Variants in TIMP4 observed in about 807,000 individuals in gnomAD.
TIMP4 encodes the protein metalloproteinase inhibitor 4.
Under a neutral mutation model 27.3 loss-of-function variants are expected in TIMP4, and 28 were observed. That is an observed-to-expected ratio of 1.03 (90% CI 0.76 to 1.41). The LOEUF (loss-of-function observed/expected upper bound fraction) is 1.41, where lower values mean the gene tolerates loss of function less well. TIMP4 is among the 40% of genes most tolerant of loss of function. The pLI is 0.00. For missense variants in TIMP4, 307 were observed against 285.5 expected (o/e 1.08, Z -0.54); for synonymous variants, 138 against 115.5 (o/e 1.20, Z -1.25).
At chr3:12,157,014 C>A in intron 2 of TIMP4, 80 bp from the exon 3 acceptor site, 1 of 1,024,160 alleles carries the variant, frequency 9.8e-7, no homozygotes, top group Non-Finnish European at 1.5e-6. Flanking sequence ...CCTCTCACTT[C>A]TCAGCCTAAA....
intron 1 of TIMP4, 35 bp from the exon 2 acceptor site, chr3:12,157,517 G>A (rs371769294): frequency 6.3e-7 from 1 of 1,595,248 alleles, no homozygotes; most frequent in Non-Finnish European, 8.6e-7. Context: ...ACCTTCAGCA[G>A]CTGGTGGGGG....
At position 12,154,348 on chromosome 3, in the gene TIMP4, G is replaced by A. The variant is rs151021424; in HGVS notation, c.456C>T (p.Tyr152=). ...LVQRESLNHH[Y]HLNCGCQITT... ...TTACTTGGCAGCCACAGTTCAGATGGTAGTGATGATTCAGACTTTCCCTCT... is the reference window on the plus strand; with the variant it reads ...TTACTTGGCAGCCACAGTTCAGATGATAGTGATGATTCAGACTTTCCCTCT... The change falls in exon 4 of 5, where the codon TAC becomes TAT. Residue 152 remains tyrosine (Y), a synonymous_variant. Transcript: ENST00000287814. The A allele has an allele frequency of 6.7e-4, 1,079 of 1,614,202 alleles. 1 individual carries two copies. The highest frequency in any genetic ancestry group is 8.3e-4 in the Non-Finnish European group (978 of 1,180,042).
intron 1 of TIMP4, 152 bp downstream of exon 1, chr3:12,158,550 C>T (rs2125232543): frequency 8.6e-7 from 1 of 1,160,066 alleles, no homozygotes; most frequent in Non-Finnish European, 1.2e-6. Flanking sequence ...TGCTATGGCG[C>T]CTGGTCCTTC....
At chr3:12,157,273 A>C (rs2125231072) in intron 2 of TIMP4, 112 bp downstream of exon 2, 3 of 941,906 alleles carry the variant, frequency 3.2e-6, no homozygotes, top group Non-Finnish European at 5.0e-6. Context: ...CAGTATCTAG[A>C]CCCAAGGATT....
In TIMP4 at chr3:12,158,811, G is replaced by T; in HGVS notation, c.30C>A (p.Ser10Arg). The T allele has an allele frequency of 1.3e-6, 2 of 1,598,956 alleles. No individual in the cohort carries two copies. The part of the protein sequence containing the change: MPGSPRPAP[S>R]WVLLLRLLAL... ...CCAGCAGCCGCAGCAACAGCACCCAGCTTGGCGCGGGCCGAGGGCTCCCAG... is the reference window on the plus strand; with the variant it reads ...CCAGCAGCCGCAGCAACAGCACCCATCTTGGCGCGGGCCGAGGGCTCCCAG... Residue 10 changes from serine to arginine, a missense_variant, in exon 1 of 5, where the codon AGC (serine) becomes AGA (arginine). Coordinates refer to ENST00000287814, the MANE Select transcript of TIMP4 (RefSeq NM_003256.4).
chr3:12,154,890 T>C lies in TIMP4; in HGVS notation c.353-439A>G, dbSNP rs147622693. Among the ~76,000 whole-genome samples, 710 of 152,288 alleles carry C rather than the reference T, an allele frequency of 4.7e-3. 5 individuals carry two copies. The highest frequency in any genetic ancestry group is 0.016 in the African/African-American group (648 of 41,562). Reference sequence around the variant, plus strand: ...CACAGTTGTGGTCCCACAGAAGATATTCAATAAATAATAGGTCCCTTCCCC... The same window carrying C: ...CACAGTTGTGGTCCCACAGAAGATACTCAATAAATAATAGGTCCCTTCCCC... On this transcript the variant is annotated intron_variant, in intron 3 of 4. Coordinates refer to ENST00000287814, the MANE Select transcript of TIMP4 (RefSeq NM_003256.4).
At chr3:12,153,776 T>C in intron 4 of TIMP4, 64 bp from the exon 5 acceptor site, 1 of 1,569,122 alleles carries the variant, frequency 6.4e-7, no homozygotes, top group Non-Finnish European at 8.8e-7. Context: ...TTGCTGCCTT[T>C]CAGATTCCTA....
intron 3 of TIMP4, among the ~76,000 whole-genome samples, chr3:12,155,699 A>AT (rs1157841035): frequency 5.9e-5 from 9 of 152,154 alleles, no homozygotes; most frequent in Admixed American, 2.6e-4. Flanking sequence ...TTCTTAGACT[A>AT]TTTTTTGTCA....
chr3:12,157,666 A>C (rs1697498890), intron 1 of TIMP4, among the ~76,000 whole-genome samples, 184 bp from the exon 2 acceptor site: 1 of 152,146 alleles, frequency 6.6e-6, no homozygotes, highest in East Asian at 1.9e-4. Flanking sequence ...AGTCACTGGA[A>C]GTTCCAAACC....
At chr3:12,154,263 C>G in intron 4 of TIMP4, 64 bp downstream of exon 4, 1 of 1,606,100 alleles carries the variant, frequency 6.2e-7, no homozygotes, top group Non-Finnish European at 8.5e-7. Context: ...TAAATTCATG[C>G]ATGAATGAAG....
chr3:12,158,495 A>G (rs1559445736), intron 1 of TIMP4, among the ~76,000 whole-genome samples: 3 of 152,168 alleles, frequency 2.0e-5, no homozygotes, highest in Non-Finnish European at 4.4e-5. Context: ...CCCTGATGAA[A>G]TCTTCATTTC....
chr3:12,153,678 G>T lies in TIMP4; in HGVS notation c.512C>A (p.Ser171Ter). Reference sequence around the variant, plus strand: ...TGTCCAGAGGCACTCGTTAGGGGCCGAGATGGTACAGGGTACTGTGTAGCA... The same window carrying T: ...TGTCCAGAGGCACTCGTTAGGGGCCTAGATGGTACAGGGTACTGTGTAGCA... ...TTCYTVPCTI[S>*]APNECLWTDW... The change falls in exon 5 of 5, where the codon TCG (serine) becomes TAG (stop). Residue 171 changes from serine (S) to a stop codon, truncating the protein, a stop_gained. Transcript: ENST00000287814. LOFTEE classifies it high-confidence loss of function. 1.9e-6 allele frequency: 3 copies of T among 1,614,200 alleles called. No homozygotes were observed. The highest frequency in any genetic ancestry group is 2.5e-6 in the Non-Finnish European group (3 of 1,180,032).
rs764253609 is a variant in TIMP4 at position 12,156,820 on chromosome 3, C to T, written c.352G>A (p.Gly118Ser). 1.4e-5 allele frequency: 22 copies of T among 1,611,746 alleles called. No homozygotes were observed. The highest frequency in any genetic ancestry group is 9.3e-6 in the Non-Finnish European group (11 of 1,178,012). Residue 118 changes from glycine to serine, a missense_variant and splice_region_variant, in exon 3 of 5, where the codon GGT becomes AGT. Physicochemically the swap from Gly to Ser is moderately conservative, Grantham distance 56. Transcript: ENST00000287814. ...ANSQKQYLLT[G>S]QVLSDGKVFI... ...GCCAGTTGTTGGTCTTTTAACTTACCAGTCAAGAGATACTGCTTCTGGCTG... is the reference window on the plus strand; with the variant it reads ...GCCAGTTGTTGGTCTTTTAACTTACTAGTCAAGAGATACTGCTTCTGGCTG...
rs969792717 is a variant in TIMP4, at chr3:12,153,718, G to A, written c.478-6C>T. ...ACTGTGTAGCAGGTGGTGATCTAGA[G>A]TCATGGCCACACAACATTAAAGTGA... On this transcript the variant is annotated splice_polypyrimidine_tract_variant and splice_region_variant and intron_variant, in intron 4 of 4. Coordinates refer to ENST00000287814, the MANE Select transcript of TIMP4 (RefSeq NM_003256.4). 10 of 1,614,168 alleles carry A rather than the reference G, an allele frequency of 6.2e-6. 1 individual carries two copies. In the Admixed American group the frequency reaches 1.3e-4, roughly 22 times the overall value.
At position 12,156,845 on chromosome 3, in the gene TIMP4, G is replaced by A; in HGVS notation, c.327C>T (p.Asn109=). ...CAGTCAAGAGATACTGCTTCTGGCT[G>A]TTGGCTTCTAGTTTCACACCACAGA... ...SSLCGVKLEA[N]SQKQYLLTGQ... Residue 109 remains asparagine (N), a synonymous_variant, in exon 3 of 5, where the codon AAC becomes AAT. Transcript: ENST00000287814. 1 of 1,614,158 alleles carries A rather than the reference G, an allele frequency of 6.2e-7. No individual in the cohort carries two copies. Among genetic ancestry groups the A allele is most frequent in the Non-Finnish European group, 8.5e-7 (1 of 1,179,998 alleles).
intron 4 of TIMP4, among the ~76,000 whole-genome samples, chr3:12,154,072 C>T (rs1697381448): frequency 6.6e-6 from 1 of 152,188 alleles, no homozygotes. Flanking sequence ...ATTACAGTGG[C>T]TGGCAAAGAA....
intron 4 of TIMP4, 31 bp downstream of exon 4, chr3:12,154,296 C>G: frequency 6.2e-7 from 1 of 1,614,074 alleles, no homozygotes; most frequent in Non-Finnish European, 8.5e-7. Context: ...TCCCCCATCC[C>G]TAAAGACTTT....
intron 3 of TIMP4, among the ~76,000 whole-genome samples, chr3:12,155,848 A>C (rs1697440949): frequency 6.6e-6 from 1 of 152,104 alleles, no homozygotes; most frequent in Non-Finnish European, 1.5e-5. Context: ...GCGATAATAG[A>C]GTTTGAAAGG....
In TIMP4 at chr3:12,153,605, A is replaced by G. The variant is rs755011594; in HGVS notation, c.585T>C (p.Tyr195=). 1 of 1,614,126 alleles carries G rather than the reference A, an allele frequency of 6.2e-7. No homozygotes were observed. Among genetic ancestry groups the G allele is most frequent in the Non-Finnish European group, 8.5e-7 (1 of 1,180,010 alleles). Residue 195 remains tyrosine, a synonymous_variant, in exon 5 of 5, where the codon TAT becomes TAC. Coordinates refer to ENST00000287814, the MANE Select transcript of TIMP4 (RefSeq NM_003256.4). ...RKLYGYQAQH[Y]VCMKHVDGTC... ...TGCCGTCAACATGCTTCATACAGAC[A>G]TAATGCTGAGCCTGGTAACCATAGA...
Sources: gnomAD v4.1 joint callset for allele counts (sites outside exome capture counted in the v4.1 genomes callset) on GRCh38, gnomAD v4.1.1 for gene constraint, MANE v1.5 for transcripts, NCBI Gene and HGNC (gene_info 2026-07-23, HGNC 2026-07-21) for gene names.